Variants in TBXAS1 observed in about 807,000 individuals in gnomAD.
The protein encoded by TBXAS1 is thromboxane A synthase 1.
A neutral mutation model predicts 60.7 loss-of-function variants in TBXAS1; 48 were observed. The ratio of observed to expected loss-of-function variants is 0.79; its 90% CI spans 0.63 to 1.01. The LOEUF (loss-of-function observed/expected upper bound fraction) is 1.01. Among genes scored for constraint, TBXAS1 ranks in the 50% least tolerant of loss-of-function variants. The pLI is 0.00. For missense variants in TBXAS1, 685 were observed against 686.3 expected (o/e 1.00, Z 0.02); for synonymous variants, 287 against 269.7 (o/e 1.06, Z -0.63).
intron 8 of TBXAS1, among the ~76,000 whole-genome samples, chr7:139,959,092 G>T (rs777330494): frequency 6.6e-6 from 1 of 151,870 alleles, no homozygotes; most frequent in South Asian, 2.1e-4. Flanking sequence ...CTGTTGCATC[G>T]AATGACTTAC....
At chr7:139,949,524 G>A (rs1354629611) in intron 5 of TBXAS1, among the ~76,000 whole-genome samples, 1 of 152,092 alleles carries the variant, frequency 6.6e-6, no homozygotes, top group Admixed American at 6.5e-5. Context: ...CAATGTTAAG[G>A]GTAGACTGAG....
In TBXAS1 at chr7:139,898,180, C is replaced by T. The variant is rs1387704495; in HGVS notation, c.237-13045C>T. Among the ~76,000 whole-genome samples the T allele has an allele frequency of 7.2e-5, 11 of 152,280 alleles. No individual in the cohort carries two copies. In the South Asian group the frequency reaches 1.7e-3, roughly 23 times the overall value. ...CACTCACAACTGTGATCTGCAGTAG[C>T]GTCTACCCCTTTCCTCACTGAGCCT... is the stretch of plus-strand genomic sequence containing the variant. On this transcript the variant is annotated intron_variant, in intron 3 of 12. Transcript: ENST00000448866.
intron 1 of TBXAS1, among the ~76,000 whole-genome samples, chr7:139,871,355 C>G (rs1002201372): frequency 6.6e-6 from 1 of 152,340 alleles, no homozygotes; most frequent in East Asian, 1.9e-4. Flanking sequence ...TGATGCTAAA[C>G]AACCAGTTTG....
chr7:139,987,452 T>C (rs2108033), intron 9 of TBXAS1, among the ~76,000 whole-genome samples: 58,770 of 151,990 alleles, frequency 0.39, 12,336 homozygotes, highest in East Asian at 0.82. Flanking sequence ...GACAGCTCTG[T>C]TCCCCTGGGG....
chr7:139,951,233 C>T (rs1012359469), intron 5 of TBXAS1, among the ~76,000 whole-genome samples: 5 of 152,156 alleles, frequency 3.3e-5, no homozygotes, highest in African/African-American at 1.2e-4. Flanking sequence ...TTAACCTGAA[C>T]CTCAATATTT....
intron 1 of TBXAS1, among the ~76,000 whole-genome samples, chr7:139,831,890 C>G (rs1240263189): frequency 6.6e-6 from 1 of 152,150 alleles, no homozygotes; most frequent in Admixed American, 6.5e-5. Context: ...TGAGATCATG[C>G]CACTTCCCTC....
In TBXAS1 at chr7:139,871,660, T is replaced by G. The variant is rs564717148; in HGVS notation, c.90-575T>G. ...GGTTGCGGGCCGAGAAAACAAAGACTTAAAGAGGTTGTAAGCATTTGGTGA... is the reference window on the plus strand; with the variant it reads ...GGTTGCGGGCCGAGAAAACAAAGACGTAAAGAGGTTGTAAGCATTTGGTGA... On this transcript the variant is annotated intron_variant, in intron 1 of 12. Transcript: ENST00000448866. Among the ~76,000 whole-genome samples the G allele has an allele frequency of 1.3e-3, 202 of 152,276 alleles. 1 individual carries two copies. Among genetic ancestry groups the G allele is most frequent in the African/African-American group, 4.7e-3 (195 of 41,542 alleles).
At chr7:139,948,369 G>C (rs1226093790) in intron 5 of TBXAS1, among the ~76,000 whole-genome samples, 2 of 152,056 alleles carry the variant, frequency 1.3e-5, no homozygotes, top group Admixed American at 1.3e-4. Context: ...AATCCTATTG[G>C]ATCAGGGCCC....
chr7:140,013,126 T>C lies in TBXAS1; in HGVS notation c.1227-2597T>C, dbSNP rs1176665930. On this transcript the variant is annotated intron_variant, in intron 10 of 12. Coordinates refer to ENST00000448866, the MANE Select transcript of TBXAS1 (RefSeq NM_001061.7). The surrounding 1 kb of genome is among the most constrained non-coding windows in gnomAD (Gnocchi z 4.2). ...AGAAATTGGGGCAAGATGTATGACA[T>C]AACAATTTAGGAATGAGTGAATACA... Among the ~76,000 whole-genome samples, 1 of 150,276 alleles carries C rather than the reference T, an allele frequency of 6.7e-6. No homozygotes were observed. The highest frequency in any genetic ancestry group is 2.4e-5 in the African/African-American group (1 of 40,914).
At position 139,935,903 on chromosome 7, in the gene TBXAS1, C is replaced by A. The variant is rs8192832; in HGVS notation, c.334-288C>A. On this transcript the variant is annotated intron_variant, in intron 4 of 12. Coordinates refer to ENST00000448866, the MANE Select transcript of TBXAS1 (RefSeq NM_001061.7). ...GAACCCCTGCTCAGTAGGGGGACTG[C>A]AGAACACACAGAAGCCATTGAGTTG... is the stretch of plus-strand genomic sequence containing the variant. 8.5e-5 allele frequency among the ~76,000 whole-genome samples: 13 copies of A among 152,332 alleles called. No homozygotes were observed. In the East Asian group the frequency reaches 2.5e-3, roughly 29 times the overall value.
intron 1 of TBXAS1, among the ~76,000 whole-genome samples, chr7:139,865,107 G>A (rs1801255179): frequency 6.6e-6 from 1 of 152,154 alleles, no homozygotes; most frequent in Non-Finnish European, 1.5e-5. Context: ...CAGCCCTGAG[G>A]GCAAACTGAG....
intron 4 of TBXAS1, among the ~76,000 whole-genome samples, chr7:139,801,878 C>T (rs182403098): frequency 6.8e-4 from 103 of 152,304 alleles, no homozygotes; most frequent in African/African-American, 2.0e-3. Flanking sequence ...ATTCTTCTGC[C>T]TCAGCCTCCC....
intron 4 of TBXAS1, among the ~76,000 whole-genome samples, chr7:139,912,196 T>C (rs1281582670): frequency 1.3e-5 from 2 of 152,038 alleles, no homozygotes; most frequent in Admixed American, 6.6e-5. Context: ...TCCAGTGAGC[T>C]GAGATCGCGC....
intron 1 of TBXAS1, among the ~76,000 whole-genome samples, chr7:139,838,638 T>C (rs1799220624): frequency 1.3e-5 from 2 of 152,244 alleles, no homozygotes; most frequent in Non-Finnish European, 2.9e-5. Flanking sequence ...GGTGTATGCG[T>C]GAATTTGGAA....
At chr7:139,781,469 C>T (rs1796985201) in intron 2 of TBXAS1, among the ~76,000 whole-genome samples, 1 of 152,106 alleles carries the variant, frequency 6.6e-6, no homozygotes, top group South Asian at 2.1e-4. Flanking sequence ...ACAGCCAGGA[C>T]GGGGGATTCC....
intron 1 of TBXAS1, among the ~76,000 whole-genome samples, chr7:139,851,948 G>A (rs1467082757): frequency 6.6e-6 from 1 of 152,162 alleles, no homozygotes; most frequent in Admixed American, 6.5e-5. Context: ...TAGATTATTG[G>A]AGACTGGGGT....
At chr7:139,816,966 A>G (rs530310060) in intron 4 of TBXAS1, among the ~76,000 whole-genome samples, 1 of 152,270 alleles carries the variant, frequency 6.6e-6, no homozygotes, top group South Asian at 2.1e-4. Context: ...AGTAGAAGTC[A>G]AGTGTCCTGG....
At chr7:139,809,864 C>T (rs1403222119) in intron 4 of TBXAS1, among the ~76,000 whole-genome samples, 1 of 152,076 alleles carries the variant, frequency 6.6e-6, no homozygotes, top group Non-Finnish European at 1.5e-5. Flanking sequence ...CTGAAAACAC[C>T]CTCACAGACA....
At chr7:139,924,431 GT>G (rs1806726022) in intron 4 of TBXAS1, among the ~76,000 whole-genome samples, 1 of 151,594 alleles carries the variant, frequency 6.6e-6, no homozygotes, top group Admixed American at 6.6e-5. Context: ...TCATATGCCT[GT>G]TTGCCATTTG....
Sources: allele counts gnomAD v4.1 joint callset (sites outside exome capture counted in the v4.1 genomes callset), GRCh38; gene constraint gnomAD v4.1.1; non-coding constraint Gnocchi (gnomAD v3.1); transcripts MANE v1.5; gene names NCBI Gene and HGNC (gene_info 2026-07-23, HGNC 2026-07-21).